The following LPCAT1 variants were observed in gnomAD, a reference collection of about 807,000 sequenced individuals.
LPCAT1 encodes the protein lysophosphatidylcholine acyltransferase 1.
Under a neutral mutation model 60.9 loss-of-function variants are expected in LPCAT1, and 23 were observed. The ratio of observed to expected loss-of-function variants is 0.38; its 90% CI spans 0.27 to 0.53. LPCAT1 has a LOEUF of 0.53. Among genes scored for constraint, LPCAT1 ranks in the 20% least tolerant of loss-of-function variants. The probability of loss-of-function intolerance (pLI) is 0.82; values close to 1 mark genes in which losing one functional copy is unlikely to be tolerated. For missense variants in LPCAT1, 622 were observed against 723.6 expected, an observed-to-expected ratio of 0.86 and a Z score of 1.61; for synonymous variants, 340 against 301.1, an observed-to-expected ratio of 1.13 and a Z score of -1.34.
intron 1 of LPCAT1, among the ~76,000 whole-genome samples, chr5:1,511,374 C>T (rs11747565): frequency 1.3e-5 from 2 of 151,840 alleles, no homozygotes; most frequent in East Asian, 1.9e-4. Context: ...GCTCACCCTA[C>T]GTGGGGACAT....
chr5:1,505,474 A>G (rs36973), intron 1 of LPCAT1, among the ~76,000 whole-genome samples: 53,654 of 152,230 alleles, frequency 0.35, 10,312 homozygotes, highest in Middle Eastern at 0.46. Context: ...CACTGGGAAC[A>G]GCTCCGGGGC....
chr5:1,469,764 G>A (rs1194601044), intron 12 of LPCAT1, among the ~76,000 whole-genome samples: 1 of 151,844 alleles, frequency 6.6e-6, no homozygotes, highest in Non-Finnish European at 1.5e-5. Flanking sequence ...CTGGACAACA[G>A]AGCGAGACTC....
At chr5:1,486,512 G>A (rs1359875845) in intron 5 of LPCAT1, among the ~76,000 whole-genome samples, 1 of 152,112 alleles carries the variant, frequency 6.6e-6, no homozygotes. Flanking sequence ...AACATCAGGC[G>A]ATGTGATGAA....
At position 1,476,956 on chromosome 5, in the gene LPCAT1, C is replaced by T. The variant is rs185290305; in HGVS notation, c.899+448G>A. 1.3e-3 allele frequency among the ~76,000 whole-genome samples: 198 copies of T among 152,328 alleles called. 1 individual carries two copies. Among genetic ancestry groups the T allele is most frequent in the African/African-American group, 4.1e-3 (169 of 41,572 alleles). ...ACTGCATGCACGACAACTGTGTAAG[C>T]AGCACAAGTCACCTTACAAGATTAA... On this transcript the variant is annotated intron_variant, in intron 9 of 13. Transcript: ENST00000283415. This position sits in a 1 kb window ranked among gnomAD's most constrained non-coding sequence, Gnocchi z 8.6.
chr5:1,481,444 T>C lies in LPCAT1; in HGVS notation c.727-468A>G, dbSNP rs1423497764. On this transcript the variant is annotated intron_variant, in intron 6 of 13. Transcript: ENST00000283415. This position sits in a 1 kb window ranked among gnomAD's most constrained non-coding sequence, Gnocchi z 7.8. ...TGAGTGTTCCCCCAACCACGGTGCA[T>C]GTGCAGGGCCCCCCCACCCCGGGTG... Among the ~76,000 whole-genome samples the C allele has an allele frequency of 1.3e-5, 2 of 152,180 alleles. No individual in the cohort carries two copies. The highest frequency in any genetic ancestry group is 6.5e-5 in the Admixed American group (1 of 15,284).
chr5:1,466,985 C>A, intron 12 of LPCAT1, 95 bp from the exon 13 acceptor site: 1 of 1,303,652 alleles, frequency 7.7e-7, no homozygotes, highest in South Asian at 2.4e-5. Flanking sequence ...CCCGCTTTGT[C>A]AGAGCTGCTG....
At chr5:1,506,190 C>G (rs1183505207) in intron 1 of LPCAT1, among the ~76,000 whole-genome samples, 1 of 152,202 alleles carries the variant, frequency 6.6e-6, no homozygotes, top group Non-Finnish European at 1.5e-5. Flanking sequence ...GCTGTGAAAA[C>G]TGCTTGGAGA....
intron 2 of LPCAT1, among the ~76,000 whole-genome samples, chr5:1,501,202 A>G (rs1347459593): frequency 6.6e-6 from 1 of 152,152 alleles, no homozygotes; most frequent in Non-Finnish European, 1.5e-5. Flanking sequence ...CAAGGGTGTG[A>G]AACAATGGCC....
In LPCAT1 at chr5:1,493,978, G is replaced by C. The variant is rs929359443; in HGVS notation, c.493+722C>G. 1.2e-4 allele frequency among the ~76,000 whole-genome samples: 19 copies of C among 152,388 alleles called. 1 individual carries two copies. Among genetic ancestry groups the C allele is most frequent in the Non-Finnish European group, 2.4e-4 (16 of 68,044 alleles). Reference sequence around the variant, plus strand: ...TCGACCACTGAGGCAGAGTCAGAGGGACGCAGCCCCCAGAGGAGGAAGAGG... The same window carrying C: ...TCGACCACTGAGGCAGAGTCAGAGGCACGCAGCCCCCAGAGGAGGAAGAGG... On this transcript the variant is annotated intron_variant, in intron 3 of 13. Coordinates refer to ENST00000283415, the MANE Select transcript of LPCAT1 (RefSeq NM_024830.5).
At chr5:1,471,240 A>G (rs140524157) in intron 11 of LPCAT1, among the ~76,000 whole-genome samples, 1 of 152,310 alleles carries the variant, frequency 6.6e-6, no homozygotes, top group East Asian at 1.9e-4. Flanking sequence ...ATACCCCCTA[A>G]GCACCAAGGC....
chr5:1,467,078 T>C (rs970663808), intron 12 of LPCAT1, 188 bp from the exon 13 acceptor site: 2 of 496,726 alleles, frequency 4.0e-6, no homozygotes, highest in African/African-American at 4.0e-5. Context: ...GCCTTGGATC[T>C]GGCCCCCTCC....
At chr5:1,472,922 G>A (rs1446928763) in intron 11 of LPCAT1, among the ~76,000 whole-genome samples, 1 of 152,168 alleles carries the variant, frequency 6.6e-6, no homozygotes, top group Non-Finnish European at 1.5e-5. Flanking sequence ...CACGCACTGT[G>A]ATCCTTGGTT....
Position 1,502,989 on chromosome 5 carries a change from T to C in LPCAT1, c.136-1386A>G, listed in dbSNP as rs1157141944. 6.6e-6 allele frequency among the ~76,000 whole-genome samples: 1 copy of C among 152,230 alleles called. No homozygotes were observed. The highest frequency in any genetic ancestry group is 1.5e-5 in the Non-Finnish European group (1 of 68,040). ...TTTCGACACGTACTCAACGTAGAAG[T>C]TGCTACTGGCTAGTTTGCATTTTCT... is the stretch of plus-strand genomic sequence containing the variant. On this transcript the variant is annotated intron_variant, in intron 1 of 13. Transcript: ENST00000283415. This position sits in a 1 kb window ranked among gnomAD's most constrained non-coding sequence, Gnocchi z 5.5.
intron 5 of LPCAT1, among the ~76,000 whole-genome samples, chr5:1,485,672 G>A (rs1203519511): frequency 6.6e-6 from 1 of 152,178 alleles, no homozygotes; most frequent in Non-Finnish European, 1.5e-5. Context: ...CCATGGCCCA[G>A]GGAGAGCCGT....
chr5:1,494,216 C>T (rs905069958), intron 3 of LPCAT1, among the ~76,000 whole-genome samples: 2 of 152,228 alleles, frequency 1.3e-5, no homozygotes, highest in South Asian at 2.1e-4. Context: ...CCAGAACTGC[C>T]ATCTGATAAA....
At position 1,512,538 on chromosome 5, in the gene LPCAT1, C is replaced by G. The variant is rs80137940; in HGVS notation, c.136-10935G>C. The stretch of plus-strand genomic sequence containing the variant: ...GAAGTGCCCACGGGGGGCCACATCT[C>G]AGACTTTCAACCTTGTGTACTACAA... On this transcript the variant is annotated intron_variant, in intron 1 of 13. Transcript: ENST00000283415. Among the ~76,000 whole-genome samples the G allele has an allele frequency of 6.7e-4, 102 of 152,364 alleles. 2 individuals carry two copies. The East Asian group carries it at 0.019, about 29-fold the overall frequency.
intron 1 of LPCAT1, among the ~76,000 whole-genome samples, chr5:1,512,483 C>T (rs1736387220): frequency 6.6e-6 from 1 of 152,248 alleles, no homozygotes; most frequent in Non-Finnish European, 1.5e-5. Flanking sequence ...GGCAAGCACC[C>T]TGCAGTCACT....
intron 2 of LPCAT1, among the ~76,000 whole-genome samples, chr5:1,497,775 G>C (rs953900535): frequency 1.3e-5 from 2 of 152,318 alleles, no homozygotes; most frequent in Admixed American, 1.3e-4. Context: ...GGAGTACCTA[G>C]AGTCATCATG....
At chr5:1,468,436 A>C (rs1048949447) in intron 12 of LPCAT1, among the ~76,000 whole-genome samples, 3 of 152,232 alleles carry the variant, frequency 2.0e-5, no homozygotes, top group African/African-American at 7.2e-5. Context: ...CCCAGAGAGC[A>C]GTGCCTCCTG....
Sources: gnomAD v4.1 joint callset for allele counts (sites outside exome capture counted in the v4.1 genomes callset) on GRCh38, gnomAD v4.1.1 for gene constraint, Gnocchi (gnomAD v3.1) non-coding constraint, MANE v1.5 for transcripts, NCBI Gene and HGNC (gene_info 2026-07-23, HGNC 2026-07-21) for gene names.